Variants in CCDC85C observed in about 807,000 individuals in gnomAD.
The protein encoded by CCDC85C is coiled-coil domain-containing protein 85C.
Under a neutral mutation model 38.3 loss-of-function variants are expected in CCDC85C, and 18 were observed. That is an observed-to-expected ratio of 0.47 (90% CI 0.33 to 0.70). The LOEUF (loss-of-function observed/expected upper bound fraction) is 0.70, where lower values mean the gene tolerates loss of function less well. CCDC85C is among the 30% of genes least tolerant of loss of function. The pLI, the probability that CCDC85C is intolerant of heterozygous loss-of-function variation, is 0.03. For missense variants in CCDC85C, 566 were observed against 621.2 expected (o/e 0.91, Z 0.94); for synonymous variants, 264 against 293.8 (o/e 0.90, Z 1.04).
intron 1 of CCDC85C, among the ~76,000 whole-genome samples, chr14:99,594,335 G>A (rs1042495858): frequency 2.0e-5 from 3 of 152,212 alleles, no homozygotes; most frequent in African/African-American, 7.2e-5. Context: ...TTTAAGCAGA[G>A]GCAATCAGAT....
At position 99,516,322 on chromosome 14, in the gene CCDC85C, C is replaced by A. The variant is rs1452874221; in HGVS notation, c.1072-36G>T. 4 of 1,481,934 alleles carry A rather than the reference C, an allele frequency of 2.7e-6. No homozygotes were observed. The highest frequency in any genetic ancestry group is 2.8e-6 in the Non-Finnish European group (3 of 1,085,370). 91.8% of individuals were successfully genotyped at this position (1,481,934 alleles called of 1,614,324 possible). On this transcript the variant is annotated intron_variant, in intron 4 of 5. Transcript: ENST00000380243. This position sits in a 1 kb window ranked among gnomAD's most constrained non-coding sequence, Gnocchi z 5.5. ...CGGGTCTCGGGGTCAGGGGCAGAGG[C>A]CACCGGCAGACCTCGGGCAAGTCAC...
rs565861187 is a variant in CCDC85C, at chr14:99,511,097, T to C, written c.*4149A>G. ...TAACCAGCCATATTGGCTCAATAAA[T>C]AGCTTCGGTAAGGAGTTAATTTCCT... On this transcript the variant is annotated 3_prime_UTR_variant, in exon 6 of 6. Transcript: ENST00000380243. 6 of 213,238 alleles carry C rather than the reference T, an allele frequency of 2.8e-5. No individual in the cohort carries two copies. Among genetic ancestry groups the C allele is most frequent in the African/African-American group, 4.6e-5 (2 of 43,712 alleles). The allele number at this position is 213,238 out of a possible 1,614,324, so 13.2% of individuals were successfully genotyped here.
rs960082558 is a variant in CCDC85C at position 99,510,028 on chromosome 14, G to A, written c.*5218C>T. The A allele has an allele frequency of 3.5e-5, 31 of 879,276 alleles. No homozygotes were observed. Among genetic ancestry groups the A allele is most frequent in the South Asian group, 7.0e-5 (4 of 57,462 alleles). 54.5% of individuals were successfully genotyped at this position (879,276 alleles called of 1,614,324 possible). A position where few individuals can be genotyped will look rare whatever the true frequency, so the allele number is the denominator to read the frequency against. ...CAGGACATGGGGCATGGGCCCATGC[G>A]TTGGGCCACAGAGGAGGCGGGCAGC... On this transcript the variant is annotated 3_prime_UTR_variant, in exon 6 of 6. Transcript: ENST00000380243.
intron 1 of CCDC85C, among the ~76,000 whole-genome samples, chr14:99,561,097 G>A (rs1052529399): frequency 6.6e-6 from 1 of 152,212 alleles, no homozygotes; most frequent in Non-Finnish European, 1.5e-5. Flanking sequence ...GCCACTGAGT[G>A]CTGAAGCCCC....
chr14:99,518,339 T>G (rs1297737382), intron 3 of CCDC85C, among the ~76,000 whole-genome samples: 1 of 151,712 alleles, frequency 6.6e-6, no homozygotes, highest in Middle Eastern at 3.2e-3. Flanking sequence ...CCCCTGAGGC[T>G]AGGGGGCCTG....
Position 99,569,139 on chromosome 14 carries a change from G to A in CCDC85C, c.794-33051C>T, listed in dbSNP as rs1292472571. Among the ~76,000 whole-genome samples, 2 of 152,208 alleles carry A rather than the reference G, an allele frequency of 1.3e-5. No homozygotes were observed. ...CTGCCAAGCCCCGTCCCCAGACCTA[G>A]CCACAGCAATATCCATCTTTAACCA... On this transcript the variant is annotated intron_variant, in intron 1 of 5. Transcript: ENST00000380243. This position sits in a 1 kb window ranked among gnomAD's most constrained non-coding sequence, Gnocchi z 4.3.
intron 2 of CCDC85C, among the ~76,000 whole-genome samples, chr14:99,527,685 G>A (rs1180526328): frequency 3.3e-5 from 5 of 152,196 alleles, no homozygotes; most frequent in Non-Finnish European, 7.3e-5. Context: ...AGAACCCTCA[G>A]CCCAGTGCCC....
intron 2 of CCDC85C, among the ~76,000 whole-genome samples, chr14:99,524,913 A>C (rs1259885256): frequency 6.6e-6 from 1 of 152,124 alleles, no homozygotes; most frequent in Non-Finnish European, 1.5e-5. Flanking sequence ...GGGAGAAGGG[A>C]TCTTACACAC....
intron 1 of CCDC85C, among the ~76,000 whole-genome samples, chr14:99,600,232 T>C (rs2139996704): frequency 6.6e-6 from 1 of 152,342 alleles, no homozygotes; most frequent in Non-Finnish European, 1.5e-5. Flanking sequence ...AGAAACCTAC[T>C]GTGTGTAGAT....
chr14:99,510,129 C>T lies in CCDC85C; in HGVS notation c.*5117G>A, dbSNP rs371645932. 1.9e-5 allele frequency: 30 copies of T among 1,576,718 alleles called. No homozygotes were observed. The highest frequency in any genetic ancestry group is 1.2e-4 in the African/African-American group (9 of 74,286). The stretch of plus-strand genomic sequence containing the variant: ...AAAAGCAACCATTGCTGGCGGAGGC[C>T]GGGCACTGATGCGTCTCTCTCCTGC... On this transcript the variant is annotated 3_prime_UTR_variant, in exon 6 of 6. Transcript: ENST00000380243.
intron 2 of CCDC85C, among the ~76,000 whole-genome samples, chr14:99,534,257 A>C (rs1234822277): frequency 6.6e-6 from 1 of 151,978 alleles, no homozygotes; most frequent in African/African-American, 2.4e-5. Flanking sequence ...CAGGAGGCTG[A>C]GGCAGGAGAA....
At chr14:99,581,239 A>G (rs2054965186) in intron 1 of CCDC85C, among the ~76,000 whole-genome samples, 1 of 152,208 alleles carries the variant, frequency 6.6e-6, no homozygotes, top group Admixed American at 6.5e-5. Flanking sequence ...TGGGCTCTCC[A>G]GGGCAAAGAC....
intron 1 of CCDC85C, among the ~76,000 whole-genome samples, chr14:99,596,553 C>T (rs778701652): frequency 1.3e-5 from 2 of 152,246 alleles, no homozygotes; most frequent in Non-Finnish European, 2.9e-5. Flanking sequence ...AGAACAGGCA[C>T]CCATCCCCGG....
intron 1 of CCDC85C, among the ~76,000 whole-genome samples, chr14:99,589,229 G>A (rs2055059558): frequency 6.6e-6 from 1 of 152,046 alleles, no homozygotes; most frequent in Non-Finnish European, 1.5e-5. Context: ...AGTGAGCCCT[G>A]AGGACAGCAG....
At position 99,506,909 on chromosome 14, in the gene CCDC85C, A is replaced by C; in HGVS notation, c.*8337T>G. On this transcript the variant is annotated 3_prime_UTR_variant, in exon 6 of 6. Coordinates refer to ENST00000380243, the MANE Select transcript of CCDC85C (RefSeq NM_001144995.2). ...AGGTGGCATTTAATTTGTTAACAGG[A>C]TTCATGCATAATGGTTTAGCTGAAA... 1.6e-6 allele frequency: 1 copy of C among 612,432 alleles called. No homozygotes were observed. Among genetic ancestry groups the C allele is most frequent in the Non-Finnish European group, 3.0e-6 (1 of 338,226 alleles). The allele number at this position is 612,432 out of a possible 1,614,324, so 37.9% of individuals were successfully genotyped here.
intron 1 of CCDC85C, among the ~76,000 whole-genome samples, chr14:99,571,655 G>A (rs1362066883): frequency 2.6e-5 from 4 of 152,234 alleles, no homozygotes; most frequent in Non-Finnish European, 4.4e-5. Context: ...CTTCCCCACT[G>A]TTTGCAGTAA....
At chr14:99,521,687 C>T (rs753158043) in intron 3 of CCDC85C, among the ~76,000 whole-genome samples, 1 of 152,206 alleles carries the variant, frequency 6.6e-6, no homozygotes, top group Non-Finnish European at 1.5e-5. Context: ...TTCCACTTCC[C>T]GGGAGCTGGC....
At chr14:99,591,812 G>A (rs58319013) in intron 1 of CCDC85C, among the ~76,000 whole-genome samples, 7,620 of 151,326 alleles carry the variant, frequency 0.05, 627 homozygotes, top group East Asian at 0.28. Flanking sequence ...TCCGCTCACG[G>A]CAACCTCCAC....
chr14:99,544,576 G>T lies in CCDC85C; in HGVS notation c.794-8488C>A, dbSNP rs1216674412. 1.3e-5 allele frequency among the ~76,000 whole-genome samples: 2 copies of T among 152,048 alleles called. No individual in the cohort carries two copies. Among genetic ancestry groups the T allele is most frequent in the African/African-American group, 4.8e-5 (2 of 41,396 alleles). ...TTCTAGACAACCCACTGAGGCAGGGGATGGGGCTTGGAAGACAGCCTGACT... is the reference window on the plus strand; with the variant it reads ...TTCTAGACAACCCACTGAGGCAGGGTATGGGGCTTGGAAGACAGCCTGACT... On this transcript the variant is annotated intron_variant, in intron 1 of 5. Coordinates refer to ENST00000380243, the MANE Select transcript of CCDC85C (RefSeq NM_001144995.2). This position sits in a 1 kb window ranked among gnomAD's most constrained non-coding sequence, Gnocchi z 5.3.
Sources: allele counts gnomAD v4.1 joint callset (sites outside exome capture counted in the v4.1 genomes callset), GRCh38; gene constraint gnomAD v4.1.1; non-coding constraint Gnocchi (gnomAD v3.1); transcripts MANE v1.5; gene names NCBI Gene and HGNC (gene_info 2026-07-23, HGNC 2026-07-21).